The following MTUS2 variants were observed in gnomAD, a reference collection of about 807,000 sequenced individuals.
The protein encoded by MTUS2 is microtubule associated scaffold protein 2.
In MTUS2, 40 loss-of-function variants were observed where a neutral mutation model predicts 114.1. That is an observed-to-expected ratio of 0.35 (90% confidence interval 0.27 to 0.46). The LOEUF (loss-of-function observed/expected upper bound fraction) is 0.46, where lower values mean the gene tolerates loss of function less well. Among genes scored for constraint, MTUS2 ranks in the 20% least tolerant of loss-of-function variants. The probability of loss-of-function intolerance (pLI) is 1.00; values close to 1 mark genes in which losing one functional copy is unlikely to be tolerated. For synonymous variants in MTUS2, 688 were observed against 672.0 expected, an observed-to-expected ratio of 1.02 and a Z score of -0.37; for missense variants, 1,679 against 1,705.4, an observed-to-expected ratio of 0.98 and a Z score of 0.27.
rs140029661 is a variant in MTUS2, at chr13:28,963,471, C to T, written c.-242-60986C>T. Among the ~76,000 whole-genome samples, 578 of 152,244 alleles carry T rather than the reference C, an allele frequency of 3.8e-3. 4 individuals carry two copies. Among genetic ancestry groups the T allele is most frequent in the African/African-American group, 0.013 (550 of 41,546 alleles). On this transcript the variant is annotated intron_variant, in intron 2 of 15. Transcript: ENST00000612955. The stretch of plus-strand genomic sequence containing the variant: ...TCACACCAGATACCCACTTTCTTTC[C>T]GTGAAGACAAAAAATGGTCTGTTTA...
At chr13:29,248,638 C>T (rs1014323060) in intron 5 of MTUS2, among the ~76,000 whole-genome samples, 2 of 152,066 alleles carry the variant, frequency 1.3e-5, no homozygotes, top group African/African-American at 4.8e-5. Context: ...TCTCCTCCCC[C>T]AGCAACAGGC....
intron 2 of MTUS2, among the ~76,000 whole-genome samples, chr13:28,878,558 C>T (rs1481270354): frequency 1.3e-5 from 2 of 152,160 alleles, no homozygotes; most frequent in African/African-American, 4.8e-5. Flanking sequence ...TTGTTCAGCT[C>T]TCACTTACAA....
chr13:29,382,640 T>TA (rs1229708343), intron 8 of MTUS2, among the ~76,000 whole-genome samples: 1 of 152,186 alleles, frequency 6.6e-6, no homozygotes, highest in Non-Finnish European at 1.5e-5. Context: ...CTGGCGCTCT[T>TA]AAAACCACTG....
intron 2 of MTUS2, among the ~76,000 whole-genome samples, chr13:28,886,008 G>A (rs1374562196): frequency 6.6e-6 from 1 of 152,212 alleles, no homozygotes; most frequent in South Asian, 2.1e-4. Context: ...TTGGGGAAGG[G>A]CATTCCCGAT....
rs546909999 is a variant in MTUS2, at chr13:28,929,924, G to T, written c.-243+90074G>T. ...TTTAAGAAGAAAACTCTGGTGACCT[G>T]TGGAGGGGAGGGTTGGATAGAGGAG... On this transcript the variant is annotated intron_variant, in intron 2 of 15. Transcript: ENST00000612955. Among the ~76,000 whole-genome samples, 266 of 152,252 alleles carry T rather than the reference G, an allele frequency of 1.7e-3. 1 individual carries two copies. The highest frequency in any genetic ancestry group is 6.2e-3 in the African/African-American group (256 of 41,530).
rs974510557 is a variant in MTUS2, at chr13:29,026,481, A to G, written c.1783A>G (p.Ser595Gly). ...PKVPDKNTCPSGIPKPVFTHS... is the reference protein window; with the variant it reads ...PKVPDKNTCPGGIPKPVFTHS... Reference sequence around the variant, plus strand: ...AGTGCCTGACAAGAACACTTGCCCCAGTGGGATCCCCAAGCCTGTCTTCAC... The same window carrying G: ...AGTGCCTGACAAGAACACTTGCCCCGGTGGGATCCCCAAGCCTGTCTTCAC... Residue 595 changes from serine (S) to glycine (G), a missense_variant, in exon 3 of 16, where the codon AGT becomes GGT. Physicochemically the swap from Ser to Gly is moderately conservative, Grantham distance 56. This residue lies in a region of MTUS2 where 843 missense variants were observed against 770.8 expected (regional missense o/e 1.09). Transcript: ENST00000612955. 1 of 1,613,956 alleles carries G rather than the reference A, an allele frequency of 6.2e-7. No individual in the cohort carries two copies. The highest frequency in any genetic ancestry group is 1.1e-5 in the South Asian group (1 of 91,068).
chr13:28,842,051 G>C (rs1285777743), intron 2 of MTUS2, among the ~76,000 whole-genome samples: 1 of 152,114 alleles, frequency 6.6e-6, no homozygotes, highest in Non-Finnish European at 1.5e-5. Flanking sequence ...GTATGGTGGA[G>C]GATTTGATAC....
At chr13:28,859,685 G>A (rs370469757) in intron 2 of MTUS2, among the ~76,000 whole-genome samples, 8 of 152,280 alleles carry the variant, frequency 5.3e-5, no homozygotes, top group African/African-American at 1.9e-4. Context: ...GGATGATGGG[G>A]TAGACCATCC....
At chr13:29,488,363 G>A (rs1362092211) in intron 11 of MTUS2, among the ~76,000 whole-genome samples, 1 of 151,754 alleles carries the variant, frequency 6.6e-6, no homozygotes, top group African/African-American at 2.4e-5. Flanking sequence ...CTCCTTAGGG[G>A]ATTCTAATGT....
At chr13:29,429,698 T>A (rs375104690) in intron 8 of MTUS2, among the ~76,000 whole-genome samples, 2 of 152,248 alleles carry the variant, frequency 1.3e-5, no homozygotes, top group African/African-American at 4.8e-5. Flanking sequence ...TCATGCATAT[T>A]TGGATTTCTA....
intron 4 of MTUS2, among the ~76,000 whole-genome samples, chr13:29,051,901 C>T (rs1254815661): frequency 6.6e-6 from 1 of 152,122 alleles, no homozygotes; most frequent in Non-Finnish European, 1.5e-5. Context: ...AGACTTGGAG[C>T]TCTTTCATTA....
At chr13:29,468,585 T>TACACACACACAC (rs59451142) in intron 9 of MTUS2, among the ~76,000 whole-genome samples, 1 of 146,754 alleles carries the variant, frequency 6.8e-6, no homozygotes, top group African/African-American at 2.5e-5. Flanking sequence ...TGTCTCAAAA[T>TACACACACACAC]ACACACACAC....
At chr13:29,382,532 A>G (rs1486655826) in intron 8 of MTUS2, among the ~76,000 whole-genome samples, 2 of 152,202 alleles carry the variant, frequency 1.3e-5, no homozygotes, top group African/African-American at 4.8e-5. Context: ...GGCCCAAAAG[A>G]GTGGAATCCA....
intron 1 of MTUS2, among the ~76,000 whole-genome samples, chr13:28,837,418 G>A (rs1439274878): frequency 6.6e-6 from 1 of 152,084 alleles, no homozygotes; most frequent in Non-Finnish European, 1.5e-5. Context: ...TTTCCTGGCC[G>A]GTGGTCTGTA....
chr13:29,403,980 G>A (rs758924413), intron 8 of MTUS2, among the ~76,000 whole-genome samples: 1 of 150,606 alleles, frequency 6.6e-6, no homozygotes, highest in African/African-American at 2.4e-5. Context: ...TCCCATCTTT[G>A]TATACCTATA....
chr13:29,149,437 T>C (rs1406169957), intron 5 of MTUS2, among the ~76,000 whole-genome samples: 2 of 152,258 alleles, frequency 1.3e-5, no homozygotes, highest in African/African-American at 4.8e-5. Flanking sequence ...CTTTGTCAGA[T>C]GGATAGATTA....
chr13:29,144,254 G>T (rs180882364), intron 5 of MTUS2, among the ~76,000 whole-genome samples: 1 of 152,324 alleles, frequency 6.6e-6, no homozygotes, highest in African/African-American at 2.4e-5. Context: ...CTGTTTCTGT[G>T]GGTCAGGAGT....
chr13:28,874,438 T>C (rs951894007), intron 2 of MTUS2, among the ~76,000 whole-genome samples: 22 of 152,308 alleles, frequency 1.4e-4, no homozygotes, highest in African/African-American at 5.3e-4. Flanking sequence ...TAGCCAGGAA[T>C]TCAGGAAGGA....
intron 5 of MTUS2, among the ~76,000 whole-genome samples, chr13:29,136,743 AT>A (rs762185192): frequency 1.3e-5 from 2 of 152,078 alleles, no homozygotes; most frequent in East Asian, 3.9e-4. Context: ...ATTCATATGT[AT>A]TTTTTGTACT....
Sources: allele counts gnomAD v4.1 joint callset (sites outside exome capture counted in the v4.1 genomes callset), GRCh38; gene constraint gnomAD v4.1.1; regional missense constraint gnomAD v4.1.1; transcripts MANE v1.5; gene names NCBI Gene and HGNC (gene_info 2026-07-23, HGNC 2026-07-21).